COQ10B: variants seen among roughly 807,000 people sequenced by gnomAD.
COQ10B encodes coenzyme Q-binding protein COQ10 homolog B, mitochondrial.
Under a neutral mutation model 27.6 loss-of-function variants are expected in COQ10B, and 12 were observed. That is an observed-to-expected ratio of 0.43 (90% CI 0.28 to 0.70). The LOEUF (loss-of-function observed/expected upper bound fraction) is 0.70, where lower values mean the gene tolerates loss of function less well. COQ10B is among the 30% of genes least tolerant of loss of function. COQ10B has a pLI of 0.17. For missense variants in COQ10B, 278 were observed against 288.7 expected (o/e 0.96, Z 0.27); for synonymous variants, 115 against 103.0 (o/e 1.12, Z -0.71).
At chr2:197,453,876 C>A in intron 1 of COQ10B, 1 of 1,383,414 alleles carries the variant, frequency 7.2e-7, no homozygotes, top group Non-Finnish European at 9.9e-7. Context: ...GCTCGTTTGC[C>A]TCGTGAGAGG....
At chr2:197,464,746 T>G (rs1377757314) in intron 3 of COQ10B, among the ~76,000 whole-genome samples, 6 of 152,112 alleles carry the variant, frequency 3.9e-5, no homozygotes, top group South Asian at 2.1e-4. Context: ...TTAGAAGAGA[T>G]AGAAAACTTG....
intron 2 of COQ10B, among the ~76,000 whole-genome samples, chr2:197,460,595 T>TA (rs1352326519): frequency 2.6e-5 from 4 of 152,216 alleles, no homozygotes; most frequent in Non-Finnish European, 4.4e-5. Flanking sequence ...ATTTATGACT[T>TA]ACATTTTTTG....
chr2:197,455,259 C>A (rs2085683604), intron 1 of COQ10B, among the ~76,000 whole-genome samples: 1 of 152,024 alleles, frequency 6.6e-6, no homozygotes, highest in East Asian at 1.9e-4. Context: ...GCAAAGGTCT[C>A]ATCTTTTTTC....
At chr2:197,458,033 G>A (rs2085718004) in intron 1 of COQ10B, among the ~76,000 whole-genome samples, 1 of 151,532 alleles carries the variant, frequency 6.6e-6, no homozygotes. Context: ...CAGCTCTAAA[G>A]TTCTTCATTG....
chr2:197,471,828 G>A (rs2085880324), intron 4 of COQ10B, among the ~76,000 whole-genome samples: 1 of 151,752 alleles, frequency 6.6e-6, no homozygotes, highest in Non-Finnish European at 1.5e-5. Flanking sequence ...TGTAGTCCTA[G>A]CTACTTGAAA....
At chr2:197,456,807 C>A (rs1313308752) in intron 1 of COQ10B, among the ~76,000 whole-genome samples, 1 of 151,512 alleles carries the variant, frequency 6.6e-6, no homozygotes, top group Non-Finnish European at 1.5e-5. Context: ...AAAAATTGAT[C>A]TTAGAACAGA....
chr2:197,473,453 C>CAT lies in COQ10B; in HGVS notation c.550-293_550-292dup, dbSNP rs71956068. Among the ~76,000 whole-genome samples the CAT allele has an allele frequency of 9.1e-3, 340 of 37,498 alleles. 18 individuals carry two copies. The highest frequency in any genetic ancestry group is 0.014 in the South Asian group (12 of 868). The allele number at this position is 37,498 out of a possible 152,430, so 24.6% of individuals were successfully genotyped here. ...ATATATATATATATACACATATATA[C>CAT]ATATATATATATGTATATATACACG... is the stretch of plus-strand genomic sequence containing the variant. On this transcript the variant is annotated intron_variant, in intron 4 of 4. Transcript: ENST00000263960.
chr2:197,470,207 T>C (rs761447312), intron 4 of COQ10B, 36 bp downstream of exon 4: 19 of 1,248,970 alleles, frequency 1.5e-5, no homozygotes, highest in Non-Finnish European at 1.9e-5. Context: ...GTTCCACTTA[T>C]GAGGTAAAAT....
At chr2:197,457,619 A>G (rs2085713333) in intron 1 of COQ10B, among the ~76,000 whole-genome samples, 1 of 150,866 alleles carries the variant, frequency 6.6e-6, no homozygotes, top group African/African-American at 2.4e-5. Context: ...TGTCTTTTCA[A>G]TTACTTTTTT....
chr2:197,459,931 G>T lies in COQ10B; in HGVS notation c.105-1G>T. ...AAATCAGGTGATTTTTGTCTTTTCA[G>T]ATATTTAGCTTCCTGTGGTATACTG... On this transcript the variant is annotated splice_acceptor_variant, in intron 1 of 4. Transcript: ENST00000263960. LOFTEE classifies it high-confidence loss of function. The T allele has an allele frequency of 6.3e-7, 1 of 1,574,816 alleles. No individual in the cohort carries two copies. The highest frequency in any genetic ancestry group is 2.0e-5 in the Admixed American group (1 of 51,088).
chr2:197,459,127 A>G (rs2085730611), intron 1 of COQ10B, among the ~76,000 whole-genome samples: 1 of 152,188 alleles, frequency 6.6e-6, no homozygotes, highest in Non-Finnish European at 1.5e-5. Flanking sequence ...GGAGACTGCA[A>G]GGTAAAGGAG....
At chr2:197,460,891 C>T (rs1025380254) in intron 2 of COQ10B, among the ~76,000 whole-genome samples, 11 of 152,136 alleles carry the variant, frequency 7.2e-5, no homozygotes, top group African/African-American at 2.4e-4. Context: ...CAAAAACAGG[C>T]GATGGGCCAG....
chr2:197,472,307 C>T (rs56329986), intron 4 of COQ10B, among the ~76,000 whole-genome samples: 6,119 of 152,204 alleles, frequency 0.04, 180 homozygotes, highest in Non-Finnish European at 0.059. Flanking sequence ...GGAGAGAATA[C>T]AGTCATGGGT....
In COQ10B at chr2:197,462,637, C is replaced by A; in HGVS notation, c.353C>A (p.Ser118Tyr). Residue 118 changes from serine to tyrosine, a missense_variant, in exon 3 of 5, where the codon TCT becomes TAT. Physicochemically the swap from Ser to Tyr is moderately radical, Grantham distance 144 (BLOSUM62 -2). Around this residue, in one of 3 missense-constraint regions of COQ10B, gnomAD observed 183 missense variants for 158.2 expected, o/e 1.16. Transcript: ENST00000263960. The stretch of plus-strand genomic sequence containing the variant: ...AAATCAGATGTTATATCAAAGAGAT[C>A]TGGATATTGTAAAACAAGATTAGAA... Reference protein sequence around the residue: ...CKKSDVISKRSGYCKTRLEIG... With the variant: ...CKKSDVISKRYGYCKTRLEIG... 1.2e-6 allele frequency: 2 copies of A among 1,600,304 alleles called. No homozygotes were observed. Among genetic ancestry groups the A allele is most frequent in the Non-Finnish European group, 1.7e-6 (2 of 1,171,092 alleles).
intron 4 of COQ10B, among the ~76,000 whole-genome samples, chr2:197,472,770 C>A: frequency 7.2e-6 from 1 of 138,436 alleles, no homozygotes; most frequent in Non-Finnish European, 1.5e-5. Context: ...GGGCCATTTC[C>A]AGCCTGGGCG....
intron 4 of COQ10B, among the ~76,000 whole-genome samples, chr2:197,473,418 ATATATAT>A (rs2085902261): frequency 3.5e-5 from 2 of 57,134 alleles, no homozygotes; most frequent in Admixed American, 1.7e-4. Context: ...AAAAAAAAAT[ATATATAT>A]ATATATATAT....
rs965420468 is a variant in COQ10B at position 197,474,641 on chromosome 2, G to C, written c.*717G>C. The C allele has an allele frequency of 1.1e-4, 16 of 152,276 alleles. No individual in the cohort carries two copies. The highest frequency in any genetic ancestry group is 3.9e-4 in the African/African-American group (16 of 41,418). The allele number at this position is 152,276 out of a possible 1,614,324, so 9.4% of individuals were successfully genotyped here. A position where few individuals can be genotyped will look rare whatever the true frequency, so the allele number is the denominator to read the frequency against. On this transcript the variant is annotated 3_prime_UTR_variant, in exon 5 of 5. Transcript: ENST00000263960. ...GCGGAGGTTGCAGTTAGCCAAGATC[G>C]CCCTGCTGCACTCCAGCCTGGGCAA...
At chr2:197,454,978 T>C (rs556730753) in intron 1 of COQ10B, among the ~76,000 whole-genome samples, 1 of 152,316 alleles carries the variant, frequency 6.6e-6, no homozygotes, top group East Asian at 1.9e-4. Context: ...GTTTAAGACA[T>C]AGTATTCCTG....
intron 4 of COQ10B, among the ~76,000 whole-genome samples, chr2:197,473,418 ATATATATAT>A (rs2085902286): frequency 1.8e-5 from 1 of 57,132 alleles, no homozygotes; most frequent in Non-Finnish European, 3.4e-5. Flanking sequence ...AAAAAAAAAT[ATATATATAT>A]ATATATATAT....
Sources: allele counts gnomAD v4.1 joint callset (sites outside exome capture counted in the v4.1 genomes callset), GRCh38; gene constraint gnomAD v4.1.1; regional missense constraint gnomAD v4.1.1; transcripts MANE v1.5; gene names NCBI Gene and HGNC (gene_info 2026-07-23, HGNC 2026-07-21).